LTBP2: variants seen among roughly 807,000 people sequenced by gnomAD.
LTBP2 encodes latent transforming growth factor beta binding protein 2.
LTBP2 carries 103 observed loss-of-function variants against 210.6 expected under a neutral mutation model. The ratio of observed to expected loss-of-function variants is 0.49; its 90% CI spans 0.42 to 0.58. The LOEUF (loss-of-function observed/expected upper bound fraction) is 0.58. Ranked by LOEUF, LTBP2 falls within the 20% of genes least tolerant of loss-of-function variation. The pLI, the probability that LTBP2 is intolerant of heterozygous loss-of-function variation, is 0.00. For missense variants in LTBP2, 2,313 were observed against 2,494.5 expected (o/e 0.93, Z 1.55); for synonymous variants, 1,007 against 1,015.0 (o/e 0.99, Z 0.15).
intron 2 of LTBP2, among the ~76,000 whole-genome samples, chr14:74,597,925 T>A (rs748221004): frequency 6.6e-6 from 1 of 152,208 alleles, no homozygotes; most frequent in Non-Finnish European, 1.5e-5. Flanking sequence ...CCCTTGCCCT[T>A]ACTCCTTTTC....
At chr14:74,515,953 G>A (rs1022846547) in intron 18 of LTBP2, among the ~76,000 whole-genome samples, 6 of 152,196 alleles carry the variant, frequency 3.9e-5, no homozygotes, top group Non-Finnish European at 7.3e-5. Context: ...TCTGGACTTC[G>A]CTTCCATGGT....
intron 2 of LTBP2, among the ~76,000 whole-genome samples, chr14:74,598,028 C>G (rs991748299): frequency 1.3e-5 from 2 of 152,238 alleles, no homozygotes; most frequent in African/African-American, 2.4e-5. Flanking sequence ...TATAACTACA[C>G]TGGGTACTAC....
chr14:74,529,704 C>T (rs971879644), intron 10 of LTBP2, among the ~76,000 whole-genome samples: 1 of 152,224 alleles, frequency 6.6e-6, no homozygotes, highest in Non-Finnish European at 1.5e-5. Flanking sequence ...AATCAAAATA[C>T]TGAGGGTCAC....
At position 74,505,945 on chromosome 14, in the gene LTBP2, C is replaced by T. The variant is rs529081164; in HGVS notation, c.4177+103G>A. ...TCCCTATGCTGCCCCAGGCCCTGGC[C>T]CAGTGTCCCCCTCAGCGGCTAGAGG... On this transcript the variant is annotated intron_variant, in intron 28 of 35. Coordinates refer to ENST00000261978, the MANE Select transcript of LTBP2 (RefSeq NM_000428.3). 1.4e-3 allele frequency: 2,043 copies of T among 1,507,066 alleles called. 29 individuals carry two copies. Among genetic ancestry groups the T allele is most frequent in the South Asian group, 0.013 (1,062 of 83,524 alleles). The allele number at this position is 1,507,066 out of a possible 1,614,324, so 93.4% of individuals were successfully genotyped here.
chr14:74,584,917 G>A (rs750666853), intron 3 of LTBP2, among the ~76,000 whole-genome samples: 7 of 151,946 alleles, frequency 4.6e-5, no homozygotes, highest in South Asian at 2.1e-4. Context: ...CCTCAAGGTC[G>A]GCCTCCTCTC....
intron 8 of LTBP2, among the ~76,000 whole-genome samples, chr14:74,548,188 C>T (rs2087602422): frequency 6.7e-6 from 1 of 150,334 alleles, no homozygotes; most frequent in Admixed American, 6.6e-5. Context: ...CTAAGGGAAT[C>T]ATTGGCATCC....
rs770704362 is a variant in LTBP2 at position 74,501,035 on chromosome 14, A to AG, written c.5321-7dup. ...GTCATCACACTCATTCACATCTAAG[A>AG]GGAAACAAAGGAGAGTGCTGTAGGG... On this transcript the variant is annotated splice_polypyrimidine_tract_variant and splice_region_variant and intron_variant, in intron 35 of 35. Transcript: ENST00000261978. 1.2e-6 allele frequency: 2 copies of AG among 1,612,374 alleles called. No homozygotes were observed. The highest frequency in any genetic ancestry group is 3.3e-5 in the Admixed American group (2 of 59,742).
chr14:74,539,955 C>T (rs1647254540), intron 8 of LTBP2, among the ~76,000 whole-genome samples: 1 of 152,182 alleles, frequency 6.6e-6, no homozygotes, highest in South Asian at 2.1e-4. Context: ...ACCTGCCCCT[C>T]TGCTGGCCTG....
chr14:74,580,036 C>G (rs995699985), intron 3 of LTBP2, among the ~76,000 whole-genome samples: 27 of 152,308 alleles, frequency 1.8e-4, no homozygotes, highest in African/African-American at 6.3e-4. Flanking sequence ...CCCTGTCCTC[C>G]CACATCTGAC....
At chr14:74,565,252 A>G (rs763601292) in intron 3 of LTBP2, among the ~76,000 whole-genome samples, 3 of 152,214 alleles carry the variant, frequency 2.0e-5, no homozygotes, top group Non-Finnish European at 2.9e-5. Flanking sequence ...CTAGTACCCT[A>G]GCAAAGGTGA....
chr14:74,506,872 T>TGTGCGCGCGTGCGCGCGC (rs72139404), intron 26 of LTBP2, 49 bp from the exon 27 acceptor site: 4 of 1,500,952 alleles, frequency 2.7e-6, no homozygotes, highest in Non-Finnish European at 3.6e-6. Flanking sequence ...TGTGTGTGTG[T>TGTGCGCGCGTGCGCGCGC]GTGTGTGCGC....
In LTBP2 at chr14:74,570,887, G is replaced by A. The variant is rs192364562; in HGVS notation, c.830+14967C>T. On this transcript the variant is annotated intron_variant, in intron 3 of 35. Transcript: ENST00000261978. ...TCTGGAAACACCTTCAAGTGCTCTG[G>A]GCAAATTCTCAAAGTTTCTGATGAC... 9.2e-5 allele frequency among the ~76,000 whole-genome samples: 14 copies of A among 152,190 alleles called. No homozygotes were observed. The East Asian group carries it at 2.7e-3, about 29-fold the overall frequency.
chr14:74,611,056 C>T (rs1268442479), intron 1 of LTBP2, among the ~76,000 whole-genome samples: 2 of 152,236 alleles, frequency 1.3e-5, no homozygotes, highest in African/African-American at 4.8e-5. Context: ...GCTCAACCTC[C>T]CCTGGGCGTC....
At chr14:74,602,876 G>C (rs1012137606) in intron 2 of LTBP2, among the ~76,000 whole-genome samples, 1 of 152,248 alleles carries the variant, frequency 6.6e-6, no homozygotes, top group African/African-American at 2.4e-5. Flanking sequence ...GGCTAACAGA[G>C]GCCAGGGCCA....
At position 74,508,162 on chromosome 14, in the gene LTBP2, T is replaced by C. The variant is rs954381855; in HGVS notation, c.3653-67A>G. The C allele has an allele frequency of 5.0e-6, 8 of 1,590,740 alleles. No individual in the cohort carries two copies. In the African/African-American group the frequency reaches 9.4e-5, roughly 19 times the overall value. On this transcript the variant is annotated intron_variant, in intron 24 of 35. Coordinates refer to ENST00000261978, the MANE Select transcript of LTBP2 (RefSeq NM_000428.3). ...CTTCCCTGTTAGGGTCCTGTGTAGC[T>C]TCCTCTGGGCCCTGAGTAGCCCATA...
At position 74,498,881 on chromosome 14, in the gene LTBP2, G is replaced by A. The variant is rs923835884; in HGVS notation, c.*2003C>T. On this transcript the variant is annotated 3_prime_UTR_variant, in exon 36 of 36. Coordinates refer to ENST00000261978, the MANE Select transcript of LTBP2 (RefSeq NM_000428.3). The stretch of plus-strand genomic sequence containing the variant: ...GGATATCTTTCTTAAGGAATTTAGA[G>A]CCACCTTTTTTAAGGGTTCCATAGC... 20 of 226,950 alleles carry A rather than the reference G, an allele frequency of 8.8e-5. No homozygotes were observed. The highest frequency in any genetic ancestry group is 4.4e-4 in the African/African-American group (20 of 44,978). 14.1% of individuals were successfully genotyped at this position (226,950 alleles called of 1,614,324 possible). A position where few individuals can be genotyped will look rare whatever the true frequency, so the allele number is the denominator to read the frequency against.
rs1242733726 is a variant in LTBP2 at position 74,506,866 on chromosome 14, T to C, written c.3908-43A>G. ...CCAGGATAGAGGATGTGTGTGTGTGTGTGTGTGTGTGTGCGCGCGCGCGTG... is the reference window on the plus strand; with the variant it reads ...CCAGGATAGAGGATGTGTGTGTGTGCGTGTGTGTGTGTGCGCGCGCGCGTG... On this transcript the variant is annotated intron_variant, in intron 26 of 35. Coordinates refer to ENST00000261978, the MANE Select transcript of LTBP2 (RefSeq NM_000428.3). The C allele has an allele frequency of 4.6e-4, 711 of 1,550,864 alleles. 5 individuals are homozygous for C. The African/African-American group carries it at 0.011, about 25-fold the overall frequency.
At chr14:74,566,869 T>G (rs1338128002) in intron 3 of LTBP2, among the ~76,000 whole-genome samples, 3 of 152,246 alleles carry the variant, frequency 2.0e-5, no homozygotes, top group East Asian at 3.9e-4. Flanking sequence ...CTGGCTGCCA[T>G]GAGTCACATC....
At chr14:74,542,223 G>A (rs1388126404) in intron 8 of LTBP2, among the ~76,000 whole-genome samples, 2 of 152,214 alleles carry the variant, frequency 1.3e-5, no homozygotes, top group African/African-American at 4.8e-5. Context: ...CCCTGGCCTT[G>A]GCCCTGTCCA....
Sources: gnomAD v4.1 joint callset for allele counts (sites outside exome capture counted in the v4.1 genomes callset) on GRCh38, gnomAD v4.1.1 for gene constraint, MANE v1.5 for transcripts, NCBI Gene and HGNC (gene_info 2026-07-23, HGNC 2026-07-21) for gene names.